Variants in UBE2G1 observed in about 807,000 individuals in gnomAD.
The protein encoded by UBE2G1 is ubiquitin-conjugating enzyme E2 G1.
Under a neutral mutation model 22.7 loss-of-function variants are expected in UBE2G1, and 5 were observed. The observed-to-expected ratio is 0.22, with a 90% confidence interval of 0.12 to 0.46. UBE2G1 has a LOEUF of 0.46. Among genes scored for constraint, UBE2G1 ranks in the 20% least tolerant of loss-of-function variants. UBE2G1 has a pLI of 0.99. For synonymous variants in UBE2G1, 74 were observed against 67.5 expected (o/e 1.10, Z -0.47); for missense variants, 88 against 203.9 (o/e 0.43, Z 3.46).
At chr17:4,353,534 CT>C (rs1295111040) in intron 1 of UBE2G1, among the ~76,000 whole-genome samples, 1 of 148,814 alleles carries the variant, frequency 6.7e-6, no homozygotes, top group African/African-American at 2.5e-5. Context: ...GAGTCTTGTT[CT>C]GTCACCAGGC....
chr17:4,356,081 CACGGTGGCTT>C (rs1969903094), intron 1 of UBE2G1, among the ~76,000 whole-genome samples: 2 of 143,380 alleles, frequency 1.4e-5, no homozygotes, highest in East Asian at 4.1e-4. Context: ...AAAGGCCAGG[CACGGTGGCTT>C]ACGCCTGTAA....
At chr17:4,302,227 T>C (rs1318869945) in intron 2 of UBE2G1, 1 of 486,246 alleles carries the variant, frequency 2.1e-6, no homozygotes, top group Non-Finnish European at 4.2e-6. Context: ...AACAGTGTTG[T>C]ATATGTCGTT....
chr17:4,285,734 G>C (rs1013234312), intron 4 of UBE2G1, among the ~76,000 whole-genome samples: 4 of 151,862 alleles, frequency 2.6e-5, no homozygotes, highest in African/African-American at 9.7e-5. Context: ...GGCGGATCAC[G>C]ACATCAAGTA....
At chr17:4,314,546 T>C (rs528418512) in intron 1 of UBE2G1, among the ~76,000 whole-genome samples, 27 of 152,354 alleles carry the variant, frequency 1.8e-4, no homozygotes, top group African/African-American at 6.5e-4. Context: ...TCCTTTTTTA[T>C]TACACAAATT....
intron 1 of UBE2G1, among the ~76,000 whole-genome samples, chr17:4,324,788 T>C (rs1237627177): frequency 1.3e-5 from 2 of 152,072 alleles, no homozygotes; most frequent in East Asian, 1.9e-4. Context: ...ATTTAACAAC[T>C]AGTTTAAGGC....
chr17:4,284,712 C>G (rs766307401), intron 4 of UBE2G1, among the ~76,000 whole-genome samples: 7 of 152,064 alleles, frequency 4.6e-5, no homozygotes, highest in Non-Finnish European at 7.4e-5. Context: ...AACCCTTACC[C>G]TTACCTTCAG....
Position 4,339,455 on chromosome 17 carries a change from C to T in UBE2G1, c.46+26816G>A, listed in dbSNP as rs1344937709. ...AAGTAGCTGGGATTACAGGCACCCA[C>T]GACCACGATCGGCTAATTTTTTGTA... On this transcript the variant is annotated intron_variant, in intron 1 of 5. Coordinates refer to ENST00000396981, the MANE Select transcript of UBE2G1 (RefSeq NM_003342.5). Among the ~76,000 whole-genome samples, 5 of 152,078 alleles carry T rather than the reference C, an allele frequency of 3.3e-5. No individual in the cohort carries two copies. In the East Asian group the frequency reaches 7.7e-4, roughly 24 times the overall value.
intron 1 of UBE2G1, among the ~76,000 whole-genome samples, chr17:4,321,396 T>C (rs1969435695): frequency 6.6e-6 from 1 of 152,096 alleles, no homozygotes; most frequent in Non-Finnish European, 1.5e-5. Context: ...AATTTATCTT[T>C]GGTGCATTTA....
intron 4 of UBE2G1, 148 bp from the exon 5 acceptor site, chr17:4,283,069 A>G (rs775166804): frequency 4.1e-5 from 27 of 653,798 alleles, no homozygotes; most frequent in Non-Finnish European, 6.8e-5. Context: ...GCAGTTAGAC[A>G]TACTTTTTCA....
intron 5 of UBE2G1, among the ~76,000 whole-genome samples, chr17:4,274,008 C>T (rs931247867): frequency 5.9e-5 from 9 of 151,756 alleles, no homozygotes; most frequent in Non-Finnish European, 1.2e-4. Flanking sequence ...TTTTTTGAGA[C>T]GGAGTCTTGC....
chr17:4,363,097 G>C (rs1347818539), intron 1 of UBE2G1, among the ~76,000 whole-genome samples: 1 of 152,016 alleles, frequency 6.6e-6, no homozygotes, highest in East Asian at 1.9e-4. Context: ...CCCCAGTTTG[G>C]GCAACAAAGT....
chr17:4,338,399 T>C (rs953422086), intron 1 of UBE2G1, among the ~76,000 whole-genome samples: 3 of 152,204 alleles, frequency 2.0e-5, no homozygotes, highest in African/African-American at 4.8e-5. Flanking sequence ...AAAATATAAA[T>C]TGTCAAAAGC....
At chr17:4,361,776 C>T (rs1326962739) in intron 1 of UBE2G1, among the ~76,000 whole-genome samples, 1 of 151,750 alleles carries the variant, frequency 6.6e-6, no homozygotes, top group Admixed American at 6.6e-5. Flanking sequence ...CCTGTCTCTA[C>T]TAAAAATACA....
At chr17:4,338,051 T>C (rs1969669139) in intron 1 of UBE2G1, among the ~76,000 whole-genome samples, 1 of 151,988 alleles carries the variant, frequency 6.6e-6, no homozygotes, top group African/African-American at 2.4e-5. Context: ...GTGCCTGTAG[T>C]CCCAGCTACT....
Position 4,333,893 on chromosome 17 carries a change from G to A in UBE2G1, c.47-26770C>T, listed in dbSNP as rs146436873. ...GTCTCACTCTTAGTAACCACAAGTT[G>A]TACACGTTCACAGTTTTCACTATTC... On this transcript the variant is annotated intron_variant, in intron 1 of 5. Transcript: ENST00000396981. Among the ~76,000 whole-genome samples, 127 of 152,216 alleles carry A rather than the reference G, an allele frequency of 8.3e-4. 1 individual carries two copies. Among genetic ancestry groups the A allele is most frequent in the African/African-American group, 2.9e-3 (119 of 41,542 alleles).
At chr17:4,275,227 T>G (rs1388495770) in intron 5 of UBE2G1, among the ~76,000 whole-genome samples, 4 of 152,210 alleles carry the variant, frequency 2.6e-5, no homozygotes, top group Non-Finnish European at 5.9e-5. Flanking sequence ...TAATAAAAGT[T>G]ATACTAAATT....
intron 3 of UBE2G1, among the ~76,000 whole-genome samples, chr17:4,293,568 C>T (rs576653122): frequency 6.2e-4 from 94 of 152,264 alleles, no homozygotes; most frequent in African/African-American, 2.2e-3. Context: ...CCTATGGTAA[C>T]TATGCTTAAC....
At chr17:4,312,767 G>T (rs1168947203) in intron 1 of UBE2G1, among the ~76,000 whole-genome samples, 1 of 149,556 alleles carries the variant, frequency 6.7e-6, no homozygotes, top group Non-Finnish European at 1.5e-5. Context: ...ATTTAAAGGA[G>T]AAACTATCCA....
chr17:4,331,296 G>A (rs996792988), intron 1 of UBE2G1, among the ~76,000 whole-genome samples: 2 of 152,182 alleles, frequency 1.3e-5, no homozygotes, highest in East Asian at 3.9e-4. Flanking sequence ...GTTTTCATAA[G>A]GAAAATCCAC....
Sources: allele counts gnomAD v4.1 joint callset (sites outside exome capture counted in the v4.1 genomes callset), GRCh38; gene constraint gnomAD v4.1.1; transcripts MANE v1.5; gene names NCBI Gene and HGNC (gene_info 2026-07-23, HGNC 2026-07-21).